SPATA13: variants seen among roughly 807,000 people sequenced by gnomAD.
SPATA13 encodes the protein spermatogenesis associated 13.
Under a neutral mutation model 104.0 loss-of-function variants are expected in SPATA13, and 50 were observed. The observed-to-expected ratio is 0.48, with a 90% CI of 0.38 to 0.61. The LOEUF (loss-of-function observed/expected upper bound fraction) is 0.61, where lower values mean the gene tolerates loss of function less well. SPATA13 is among the 20% of genes least tolerant of loss of function. SPATA13 has a pLI of 0.00. For missense variants in SPATA13, 1,524 were observed against 1,690.6 expected (o/e 0.90, Z 1.73); for synonymous variants, 606 against 667.5 (o/e 0.91, Z 1.42).
Position 24,300,407 on chromosome 13 carries a change from A to G in SPATA13, c.3590A>G (p.Glu1197Gly). ...CATTTATTTCTAAATGCAGGAATGG[A>G]AATTTCAGAAAACCAGAAGAAACTT... ...RVQEDKEMGM[E>G]ISENQKKLAM... The change falls in exon 12 of 13, where the codon GAA becomes GGA. Residue 1197 changes from glutamate to glycine, a missense_variant. Around this residue, in one of 2 missense-constraint regions of SPATA13, gnomAD observed 435 missense variants for 554.8 expected, o/e 0.78. Transcript: ENST00000382108. The G allele has an allele frequency of 6.2e-7, 1 of 1,613,064 alleles. No homozygotes were observed. Among genetic ancestry groups the G allele is most frequent in the Non-Finnish European group, 8.5e-7 (1 of 1,179,632 alleles).
chr13:24,049,179 G>T (rs1349271313), intron 3 of SPATA13, among the ~76,000 whole-genome samples: 1 of 152,186 alleles, frequency 6.6e-6, no homozygotes, highest in Non-Finnish European at 1.5e-5. Context: ...ATGAACAACA[G>T]CAGCAGTAAC....
At chr13:24,000,223 G>C (rs1875890851) in intron 2 of SPATA13, among the ~76,000 whole-genome samples, 1 of 152,256 alleles carries the variant, frequency 6.6e-6, no homozygotes, top group Non-Finnish European at 1.5e-5. Context: ...CAGAGGGCTT[G>C]ACCTGGCCTA....
intron 1 of SPATA13, among the ~76,000 whole-genome samples, chr13:24,185,758 G>A (rs575190913): frequency 6.6e-6 from 1 of 151,548 alleles, no homozygotes; most frequent in East Asian, 1.9e-4. Context: ...GTTAGTCAGG[G>A]TTCTCCAGAG....
chr13:24,170,775 G>A (rs1419834788), intron 1 of SPATA13, among the ~76,000 whole-genome samples: 3 of 152,094 alleles, frequency 2.0e-5, no homozygotes, highest in Admixed American at 1.3e-4. Flanking sequence ...CCCTCTCTGG[G>A]TGTACTTTCA....
intron 11 of SPATA13, among the ~76,000 whole-genome samples, chr13:24,299,585 A>G (rs918084109): frequency 1.3e-5 from 2 of 152,168 alleles, no homozygotes; most frequent in Non-Finnish European, 2.9e-5. Context: ...ATGTGAAGGA[A>G]TCAGGGCCAG....
chr13:24,058,508 C>T (rs1197464922), intron 3 of SPATA13, among the ~76,000 whole-genome samples: 1 of 151,788 alleles, frequency 6.6e-6, no homozygotes, highest in African/African-American at 2.4e-5. Context: ...ATGTGAGACT[C>T]ATCTGTATGT....
chr13:24,198,559 A>G (rs964873022), intron 1 of SPATA13, among the ~76,000 whole-genome samples: 11 of 152,350 alleles, frequency 7.2e-5, no homozygotes, highest in Middle Eastern at 6.8e-3. Context: ...GCTTGGGATT[A>G]CTATAGAGGT....
At chr13:24,052,838 C>CCCGCCCCCCCG (rs1301137870) in intron 3 of SPATA13, among the ~76,000 whole-genome samples, 1 of 140,152 alleles carries the variant, frequency 7.1e-6, no homozygotes, top group Non-Finnish European at 1.6e-5. Context: ...GGGGATCCTC[C>CCCGCCCCCCCG]CCGCCACTGT....
At chr13:24,069,385 T>A (rs1439892449) in intron 3 of SPATA13, among the ~76,000 whole-genome samples, 1 of 152,212 alleles carries the variant, frequency 6.6e-6, no homozygotes, top group Non-Finnish European at 1.5e-5. Context: ...TTTTGCCAAT[T>A]GTGAATGGGA....
At chr13:24,123,220 T>G in intron 3 of SPATA13, 12 of 1,582,666 alleles carry the variant, frequency 7.6e-6, no homozygotes, top group Non-Finnish European at 9.5e-6. Flanking sequence ...TTTTCTTGAT[T>G]GCTGATCAAT....
chr13:24,211,612 T>TG (rs1393556245), intron 1 of SPATA13, among the ~76,000 whole-genome samples: 1 of 152,154 alleles, frequency 6.6e-6, no homozygotes, highest in Non-Finnish European at 1.5e-5. Context: ...AGCCTGATGG[T>TG]GGGAATCACC....
At chr13:24,267,502 T>G (rs566295311) in intron 4 of SPATA13, among the ~76,000 whole-genome samples, 7 of 152,332 alleles carry the variant, frequency 4.6e-5, no homozygotes, top group African/African-American at 1.7e-4. Context: ...AAACAGAAAC[T>G]ATCCTCTTGT....
intron 3 of SPATA13, among the ~76,000 whole-genome samples, chr13:24,023,846 G>A (rs4769307): frequency 0.54 from 81,552 of 152,032 alleles, 22,040 homozygotes; most frequent in Middle Eastern, 0.57. Flanking sequence ...CGAGACCCCT[G>A]TTGAACTTCC....
At chr13:24,275,466 G>A (rs778806563) in intron 4 of SPATA13, among the ~76,000 whole-genome samples, 5 of 152,234 alleles carry the variant, frequency 3.3e-5, no homozygotes, top group Non-Finnish European at 7.3e-5. Context: ...TGGTCAGCAC[G>A]CAGTTTTGAT....
intron 1 of SPATA13, among the ~76,000 whole-genome samples, chr13:24,196,109 C>T (rs1870041407): frequency 6.6e-6 from 1 of 152,076 alleles, no homozygotes; most frequent in South Asian, 2.1e-4. Flanking sequence ...TAACTTACTG[C>T]AGAGTTTTCA....
chr13:23,992,194 T>G (rs1875447227), intron 2 of SPATA13, among the ~76,000 whole-genome samples: 1 of 152,210 alleles, frequency 6.6e-6, no homozygotes, highest in Non-Finnish European at 1.5e-5. Context: ...AACCATGTGC[T>G]GTCAACCCAG....
chr13:24,093,640 A>G (rs1879977197), intron 3 of SPATA13, among the ~76,000 whole-genome samples: 1 of 152,230 alleles, frequency 6.6e-6, no homozygotes, highest in South Asian at 2.1e-4. Context: ...AGTCACATAA[A>G]GGAAATAGAA....
At chr13:24,074,267 G>A (rs994657407) in intron 3 of SPATA13, among the ~76,000 whole-genome samples, 1 of 152,212 alleles carries the variant, frequency 6.6e-6, no homozygotes, top group African/African-American at 2.4e-5. Flanking sequence ...GAATCACACA[G>A]TATTTGTCCT....
At chr13:24,189,682 T>TATATATAAAAG (rs1555267548) in intron 1 of SPATA13, among the ~76,000 whole-genome samples, 1 of 11,586 alleles carries the variant, frequency 8.6e-5, no homozygotes, top group Admixed American at 2.1e-3. Flanking sequence ...TTATATATAT[T>TATATATAAAAG]TATATATAAT....
Sources: gnomAD v4.1 joint callset for allele counts (sites outside exome capture counted in the v4.1 genomes callset) on GRCh38, gnomAD v4.1.1 for gene constraint, gnomAD v4.1.1 regional missense constraint, MANE v1.5 for transcripts, NCBI Gene and HGNC (gene_info 2026-07-23, HGNC 2026-07-21) for gene names.